RTF2: variants seen among roughly 807,000 people sequenced by gnomAD.
RTF2 encodes replication termination factor 2.
Under a neutral mutation model 38.0 loss-of-function variants are expected in RTF2, and 18 were observed. The observed-to-expected ratio is 0.47, with a 90% CI of 0.33 to 0.70. The LOEUF (loss-of-function observed/expected upper bound fraction) is 0.70. Ranked by LOEUF, RTF2 falls within the 30% of genes least tolerant of loss-of-function variation. RTF2 has a pLI of 0.02. For missense variants in RTF2, 311 were observed against 379.6 expected, an observed-to-expected ratio of 0.82 and a Z score of 1.50; for synonymous variants, 126 against 137.1, an observed-to-expected ratio of 0.92 and a Z score of 0.57.
At chr20:56,495,393 T>A (rs1983456881) in intron 5 of RTF2, 2 of 945,852 alleles carry the variant, frequency 2.1e-6, no homozygotes, top group East Asian at 5.3e-5. Context: ...TTCCTCTAGA[T>A]GAGGTAGTCA....
At chr20:56,475,533 T>C (rs1038910728) in intron 3 of RTF2, among the ~76,000 whole-genome samples, 2 of 152,250 alleles carry the variant, frequency 1.3e-5, no homozygotes, top group Non-Finnish European at 2.9e-5. Context: ...CTAATGATAG[T>C]GCTCTAGAAA....
intron 5 of RTF2, among the ~76,000 whole-genome samples, chr20:56,511,222 T>C (rs1172702673): frequency 6.6e-6 from 1 of 152,094 alleles, no homozygotes; most frequent in Non-Finnish European, 1.5e-5. Flanking sequence ...CGTGGCCTCT[T>C]AGGAACCGGG....
Position 56,518,108 on chromosome 20 carries a change from GA to G in RTF2, c.768del (p.Ala257LeufsTer68), listed in dbSNP as rs1985164810. On this transcript the variant is annotated frameshift_variant, in exon 9 of 9. Transcript: ENST00000357348. LOFTEE classifies it high-confidence loss of function. ...KSTAMNESSS[G>X]KAGKPPCGAT... is the part of the protein sequence containing the mutation. ...CTAGCAATGAATGAGAGCTCTTCTG[GA>G]AAAGCTGGGAAGCCTCCGTGTGGAG... 1 of 1,611,312 alleles carries G rather than the reference GA, an allele frequency of 6.2e-7. No individual in the cohort carries two copies. Among genetic ancestry groups the G allele is most frequent in the African/African-American group, 1.3e-5 (1 of 74,694 alleles).
At position 56,510,588 on chromosome 20, in the gene RTF2, G is replaced by A. The variant is rs569957899; in HGVS notation, c.478-2727G>A. On this transcript the variant is annotated intron_variant, in intron 5 of 8. Transcript: ENST00000357348. ...TAAAAACTTGCCACCCAACTCATAG[G>A]GGGCAGAGACTATGTCTTAACACAG... is the stretch of plus-strand genomic sequence containing the variant. Among the ~76,000 whole-genome samples, 6 of 152,300 alleles carry A rather than the reference G, an allele frequency of 3.9e-5. No homozygotes were observed. The East Asian group carries it at 1.2e-3, about 29-fold the overall frequency.
intron 5 of RTF2, among the ~76,000 whole-genome samples, chr20:56,501,433 A>G (rs1983921814): frequency 6.6e-6 from 1 of 152,228 alleles, no homozygotes; most frequent in Non-Finnish European, 1.5e-5. Context: ...TGCCTCTCAT[A>G]AAAAAGTGTT....
At chr20:56,468,845 G>T in intron 1 of RTF2, 79 bp downstream of exon 1, 1 of 1,239,414 alleles carries the variant, frequency 8.1e-7, no homozygotes, top group Non-Finnish European at 1.1e-6. Flanking sequence ...GAAGTAAGAA[G>T]GGGGAGCCAG....
At position 56,468,689 on chromosome 20, in the gene RTF2, C is replaced by G. The variant is rs200260681; in HGVS notation, c.-9C>G. 3.1e-5 allele frequency: 48 copies of G among 1,572,672 alleles called. No individual in the cohort carries two copies. In the African/African-American group the frequency reaches 5.0e-4, roughly 16 times the overall value. Reference sequence around the variant, plus strand: ...GGGGTTTGCTGCTGGCTCTGACTCCCGTCCTGCGATGGGTTGCGACGGGGG... The same window carrying G: ...GGGGTTTGCTGCTGGCTCTGACTCCGGTCCTGCGATGGGTTGCGACGGGGG... On this transcript the variant is annotated 5_prime_UTR_variant, in exon 1 of 9. Transcript: ENST00000357348.
chr20:56,495,106 A>G (rs1176763515), intron 5 of RTF2: 27 of 849,932 alleles, frequency 3.2e-5, no homozygotes, highest in East Asian at 2.4e-4. Flanking sequence ...TACTTTAAAC[A>G]TGATCCTCCG....
chr20:56,470,379 G>C (rs913207540), intron 1 of RTF2, among the ~76,000 whole-genome samples: 6 of 152,198 alleles, frequency 3.9e-5, no homozygotes, highest in African/African-American at 1.4e-4. Context: ...AGGCAGGATG[G>C]ATTTTTATTA....
chr20:56,487,146 C>T lies in RTF2; in HGVS notation c.477+2957C>T, dbSNP rs151256762. ...TAGATGGGTGCACAGTTGTCCTTTG[C>T]GTTGGTTGGCCTAAAACAATCATAC... is the stretch of plus-strand genomic sequence containing the variant. On this transcript the variant is annotated intron_variant, in intron 5 of 8. Coordinates refer to ENST00000357348, the MANE Select transcript of RTF2 (RefSeq NM_016407.5). Among the ~76,000 whole-genome samples, 86 of 152,240 alleles carry T rather than the reference C, an allele frequency of 5.6e-4. No individual in the cohort carries two copies. The Middle Eastern group carries it at 0.01, about 18-fold the overall frequency.
At chr20:56,514,348 T>C (rs1984882505) in intron 6 of RTF2, 1 of 151,114 alleles carries the variant, frequency 6.6e-6, no homozygotes, top group Non-Finnish European at 1.5e-5. Context: ...TTTCTTATTC[T>C]TTAAAAAAAA....
chr20:56,487,181 T>C (rs1982840766), intron 5 of RTF2, among the ~76,000 whole-genome samples: 1 of 152,174 alleles, frequency 6.6e-6, no homozygotes, highest in African/African-American at 2.4e-5. Context: ...CTAATAACCA[T>C]GATGACACGT....
intron 5 of RTF2, among the ~76,000 whole-genome samples, chr20:56,501,833 C>T (rs1281909925): frequency 6.6e-6 from 1 of 152,134 alleles, no homozygotes; most frequent in African/African-American, 2.4e-5. Flanking sequence ...ATGCCCACTG[C>T]ACTCCAGCCT....
intron 4 of RTF2, among the ~76,000 whole-genome samples, chr20:56,477,621 G>A (rs930345745): frequency 6.6e-6 from 1 of 151,830 alleles, no homozygotes; most frequent in East Asian, 1.9e-4. Flanking sequence ...GGCCTCAAGC[G>A]ATCCTCCTGC....
intron 4 of RTF2, among the ~76,000 whole-genome samples, chr20:56,480,291 C>G (rs1440300798): frequency 1.3e-5 from 2 of 152,192 alleles, no homozygotes; most frequent in African/African-American, 4.8e-5. Context: ...ACCTCATGAA[C>G]CAACTTCTTC....
Position 56,481,345 on chromosome 20 carries a change from G to A in RTF2, c.399-2766G>A, listed in dbSNP as rs540695860. 3.9e-5 allele frequency among the ~76,000 whole-genome samples: 6 copies of A among 152,296 alleles called. 1 individual carries two copies. Among genetic ancestry groups the A allele is most frequent in the African/African-American group, 1.2e-4 (5 of 41,572 alleles). On this transcript the variant is annotated intron_variant, in intron 4 of 8. Transcript: ENST00000357348. ...CAGTGTGCCAGGCCGTGTTGCGTGT[G>A]GCAGACTGTGCGAGGGGAACTAACT...
At chr20:56,509,643 G>A (rs1020119074) in intron 5 of RTF2, among the ~76,000 whole-genome samples, 2 of 151,932 alleles carry the variant, frequency 1.3e-5, no homozygotes, top group Admixed American at 1.3e-4. Flanking sequence ...ACGATGACAG[G>A]TGTTGGGAAG....
intron 5 of RTF2, among the ~76,000 whole-genome samples, chr20:56,488,245 G>A (rs1028635755): frequency 1.3e-5 from 2 of 151,312 alleles, no homozygotes; most frequent in African/African-American, 4.9e-5. Flanking sequence ...CCTGTAGTCC[G>A]AACTACTTAG....
chr20:56,513,201 A>G (rs1984800395), intron 5 of RTF2, 114 bp from the exon 6 acceptor site: 3 of 1,385,718 alleles, frequency 2.2e-6, no homozygotes, highest in East Asian at 2.6e-5. Context: ...AGCCGGTAAT[A>G]GGAATTTACT....
Sources: gnomAD v4.1 joint callset for allele counts (sites outside exome capture counted in the v4.1 genomes callset) on GRCh38, gnomAD v4.1.1 for gene constraint, MANE v1.5 for transcripts, NCBI Gene and HGNC (gene_info 2026-07-23, HGNC 2026-07-21) for gene names.